The following PTPRB variants were observed in gnomAD, a reference collection of about 807,000 sequenced individuals.
PTPRB encodes protein tyrosine phosphatase receptor type B.
PTPRB carries 97 observed loss-of-function variants against 238.1 expected under a neutral mutation model. The ratio of observed to expected loss-of-function variants is 0.41; its 90% CI spans 0.35 to 0.48. The LOEUF (loss-of-function observed/expected upper bound fraction) is 0.48, where lower values mean the gene tolerates loss of function less well. Among genes scored for constraint, PTPRB ranks in the 20% least tolerant of loss-of-function variants. PTPRB has a pLI of 0.30. For synonymous variants in PTPRB, 970 were observed against 995.4 expected (o/e 0.97, Z 0.48); for missense variants, 2,292 against 2,681.9 (o/e 0.85, Z 3.21).
At chr12:70,622,681 C>T (rs1381886534) in intron 2 of PTPRB, 35 bp from the exon 3 acceptor site, 1 of 1,510,862 alleles carries the variant, frequency 6.6e-7, no homozygotes, top group Non-Finnish European at 8.9e-7. Flanking sequence ...AAAGATTATT[C>T]TCATGTTTTA....
chr12:70,635,057 T>C (rs541694877), intron 2 of PTPRB, among the ~76,000 whole-genome samples: 5 of 152,336 alleles, frequency 3.3e-5, no homozygotes, highest in African/African-American at 1.2e-4. Context: ...TCTACATGTG[T>C]CCATTATCTG....
At position 70,534,908 on chromosome 12, in the gene PTPRB, A is replaced by G. The variant is rs945553722; in HGVS notation, c.6129T>C (p.Tyr2043=). Residue 2043 remains tyrosine, a synonymous_variant, in exon 30 of 34, where the codon TAT becomes TAC. Transcript: ENST00000334414. ...YWPADQDSLY[Y]GDLILQMLSE... ...AGAGCATCTGCAGGATGAGGTCCCC[A>G]TAGTAGAGGGAATCCTGGTCCGCTG... is the stretch of plus-strand genomic sequence containing the variant. 3 of 1,613,724 alleles carry G rather than the reference A, an allele frequency of 1.9e-6. No individual in the cohort carries two copies. The African/African-American group carries it at 4.0e-5, about 22-fold the overall frequency.
At chr12:70,569,244 A>T (rs1879719873) in intron 14 of PTPRB, among the ~76,000 whole-genome samples, 1 of 152,038 alleles carries the variant, frequency 6.6e-6, no homozygotes, top group African/African-American at 2.4e-5. Flanking sequence ...CTGGGACTAC[A>T]GGTGTGCACC....
In PTPRB at chr12:70,539,813, G is replaced by A; in HGVS notation, c.5696+14C>T. On this transcript the variant is annotated intron_variant, in intron 25 of 33. Coordinates refer to ENST00000334414, the MANE Select transcript of PTPRB (RefSeq NM_001109754.4). ...AGGCAGATAATATAGTAATTAATGT[G>A]TTCTCTCTCTTACCAAGAAGTTTTC... The A allele has an allele frequency of 6.3e-7, 1 of 1,597,560 alleles. No individual in the cohort carries two copies. The highest frequency in any genetic ancestry group is 2.2e-5 in the East Asian group (1 of 44,808).
intron 3 of PTPRB, among the ~76,000 whole-genome samples, chr12:70,616,763 A>G (rs1443859443): frequency 6.6e-6 from 1 of 152,148 alleles, no homozygotes; most frequent in African/African-American, 2.4e-5. Flanking sequence ...TCGTCTGCCC[A>G]GGGAGACCAA....
chr12:70,590,628 G>T (rs184879902), intron 7 of PTPRB, among the ~76,000 whole-genome samples: 3 of 142,228 alleles, frequency 2.1e-5, no homozygotes, highest in African/African-American at 5.2e-5. Context: ...AACATTCAAG[G>T]TCTCTCTATA....
chr12:70,565,309 T>G (rs1879145028), intron 15 of PTPRB, among the ~76,000 whole-genome samples: 3 of 152,346 alleles, frequency 2.0e-5, no homozygotes, highest in African/African-American at 7.2e-5. Context: ...CTAATTTGGC[T>G]CCAATCTGGC....
chr12:70,625,450 A>T (rs554120305), intron 2 of PTPRB, among the ~76,000 whole-genome samples: 1 of 152,290 alleles, frequency 6.6e-6, no homozygotes, highest in South Asian at 2.1e-4. Flanking sequence ...ACATAATATG[A>T]ACCAAAAAGA....
rs1871368856 is a variant in PTPRB at position 70,518,589 on chromosome 12, A to AT, written c.*2899_*2900insA. On this transcript the variant is annotated 3_prime_UTR_variant, in exon 34 of 34. Coordinates refer to ENST00000334414, the MANE Select transcript of PTPRB (RefSeq NM_001109754.4). ...AAGTAGGAGGAGTGGGGCAAGTAATAAAACAGAGGGACTCAGAGGTTTAAG... is the reference window on the plus strand; with the variant it reads ...AAGTAGGAGGAGTGGGGCAAGTAATATAAACAGAGGGACTCAGAGGTTTAAG... The AT allele has an allele frequency of 1.3e-5, 2 of 152,160 alleles. No individual in the cohort carries two copies. Among genetic ancestry groups the AT allele is most frequent in the African/African-American group, 4.8e-5 (2 of 41,436 alleles). The allele number at this position is 152,160 out of a possible 1,614,324, so 9.4% of individuals were successfully genotyped here.
chr12:70,634,161 G>A (rs561483465), intron 2 of PTPRB, among the ~76,000 whole-genome samples: 8 of 152,210 alleles, frequency 5.3e-5, no homozygotes, highest in African/African-American at 9.6e-5. Flanking sequence ...ACATTCAAAT[G>A]GCATCTAGTT....
intron 10 of PTPRB, among the ~76,000 whole-genome samples, chr12:70,577,504 A>G (rs1880916540): frequency 2.0e-5 from 3 of 152,234 alleles, no homozygotes; most frequent in Admixed American, 2.0e-4. Context: ...ACCACATATC[A>G]GAAATAGGTG....
intron 4 of PTPRB, among the ~76,000 whole-genome samples, chr12:70,601,706 G>C (rs1372136673): frequency 6.6e-6 from 1 of 150,828 alleles, no homozygotes; most frequent in South Asian, 2.1e-4. Flanking sequence ...AAAATGAGAA[G>C]AAAAACAAAA....
intron 32 of PTPRB, among the ~76,000 whole-genome samples, chr12:70,526,204 A>C (rs1872415154): frequency 6.6e-6 from 1 of 152,066 alleles, no homozygotes; most frequent in South Asian, 2.1e-4. Context: ...AATTTAATTA[A>C]TTTATTTATT....
chr12:70,526,945 A>G (rs1006679954), intron 32 of PTPRB, among the ~76,000 whole-genome samples: 4 of 152,242 alleles, frequency 2.6e-5, no homozygotes, highest in Admixed American at 2.6e-4. Flanking sequence ...TCCTTTCCCA[A>G]TAGAACGTCC....
chr12:70,569,199 C>T (rs1190958306), intron 14 of PTPRB, among the ~76,000 whole-genome samples: 1 of 152,072 alleles, frequency 6.6e-6, no homozygotes, highest in African/African-American at 2.4e-5. Flanking sequence ...ACCTCCCGGG[C>T]TCAGGTGATT....
chr12:70,569,667 A>G lies in PTPRB; in HGVS notation c.3634+8T>C. The G allele has an allele frequency of 3.7e-6, 6 of 1,613,538 alleles. No homozygotes were observed. The highest frequency in any genetic ancestry group is 1.7e-4 in the Middle Eastern group (1 of 5,810). The stretch of plus-strand genomic sequence containing the variant: ...TACAATCTAGCCCTTCTCCAGGTGG[A>G]TGCTTACCTGTCCGCCCAACCACAT... On this transcript the variant is annotated splice_region_variant and intron_variant, in intron 14 of 33. Transcript: ENST00000334414.
intron 14 of PTPRB, 126 bp from the exon 15 acceptor site, chr12:70,566,830 T>C: frequency 9.9e-7 from 1 of 1,006,066 alleles, no homozygotes; most frequent in Middle Eastern, 3.3e-4. Flanking sequence ...TGTGTGTCAT[T>C]GACACTTTCT....
chr12:70,622,105 T>G (rs1467609323), intron 3 of PTPRB, among the ~76,000 whole-genome samples: 1 of 152,206 alleles, frequency 6.6e-6, no homozygotes, highest in Non-Finnish European at 1.5e-5. Flanking sequence ...TCAGGACATG[T>G]GTAACACCAT....
intron 33 of PTPRB, among the ~76,000 whole-genome samples, chr12:70,523,495 A>G (rs1201486859): frequency 6.6e-6 from 1 of 152,154 alleles, no homozygotes; most frequent in African/African-American, 2.4e-5. Flanking sequence ...TTGACAAATT[A>G]TTTTCCAAAG....
Sources: gnomAD v4.1 joint callset for allele counts (sites outside exome capture counted in the v4.1 genomes callset) on GRCh38, gnomAD v4.1.1 for gene constraint, MANE v1.5 for transcripts, NCBI Gene and HGNC (gene_info 2026-07-23, HGNC 2026-07-21) for gene names.